Variants in ZC3H12B observed in about 807,000 individuals in gnomAD.
ZC3H12B encodes the protein probable ribonuclease ZC3H12B.
ZC3H12B carries 7 observed loss-of-function variants against 43.9 expected under a neutral mutation model. That is an observed-to-expected ratio of 0.16 (90% CI 0.09 to 0.30). The LOEUF (loss-of-function observed/expected upper bound fraction) is 0.30, where lower values mean the gene tolerates loss of function less well. Ranked by LOEUF, ZC3H12B falls within the 10% of genes least tolerant of loss-of-function variation. The pLI, the probability that ZC3H12B is intolerant of heterozygous loss-of-function variation, is 1.00. For synonymous variants in ZC3H12B, 222 were observed against 241.7 expected, an observed-to-expected ratio of 0.92 and a Z score of 0.76; for missense variants, 475 against 670.2, an observed-to-expected ratio of 0.71 and a Z score of 3.22.
the ZC3H12B span, among the ~76,000 whole-genome samples, chrX:65,298,150 G>A: frequency 9.0e-6 from 1 of 111,366 alleles, no homozygotes; most frequent in Non-Finnish European, 1.9e-5. Flanking sequence ...TAAATAGGTG[G>A]GACTTAATTA....
the ZC3H12B span, among the ~76,000 whole-genome samples, chrX:65,068,781 C>T: frequency 7.2e-5 from 8 of 111,387 alleles, no homozygotes; most frequent in Non-Finnish European, 1.5e-4. Context: ...TGAAGTGTGC[C>T]GTTTAACATT....
chrX:65,063,406 C>T, the ZC3H12B span, among the ~76,000 whole-genome samples: 1 of 112,090 alleles, frequency 8.9e-6, no homozygotes, highest in Non-Finnish European at 1.9e-5. Flanking sequence ...GTTTGTGCAT[C>T]TGTTGAGATA....
At chrX:65,434,279 A>G (rs1056281968) in intron 3 of ZC3H12B, among the ~76,000 whole-genome samples, 3 of 111,969 alleles carry the variant, frequency 2.7e-5, no homozygotes, top group Non-Finnish European at 5.6e-5. Flanking sequence ...TATTGGTAAA[A>G]TATATGTTTT....
At chrX:65,139,929 T>C in the ZC3H12B span, among the ~76,000 whole-genome samples, 1 of 111,556 alleles carries the variant, frequency 9.0e-6, no homozygotes, top group Admixed American at 9.6e-5. Context: ...CTTTTGAACA[T>C]TTATTTTGTA....
chrX:65,183,903 T>C, the ZC3H12B span, among the ~76,000 whole-genome samples: 10 of 111,281 alleles, frequency 9.0e-5, no homozygotes, highest in Non-Finnish European at 1.1e-4. Context: ...CTTTTTTATG[T>C]TGGCAAAGTA....
At chrX:65,144,786 G>A in the ZC3H12B span, among the ~76,000 whole-genome samples, 1 of 111,429 alleles carries the variant, frequency 9.0e-6, no homozygotes, top group East Asian at 2.8e-4. Context: ...TGGTTTTGGA[G>A]GTTCCTTTTG....
At chrX:65,068,356 C>T in the ZC3H12B span, among the ~76,000 whole-genome samples, 17 of 110,046 alleles carry the variant, frequency 1.5e-4, 1 homozygote, top group South Asian at 5.3e-3. Flanking sequence ...TACTTTGTTG[C>T]TTTTTATTTT....
chrX:65,158,370 C>G, the ZC3H12B span, among the ~76,000 whole-genome samples: 1 of 111,465 alleles, frequency 9.0e-6, no homozygotes, highest in Non-Finnish European at 1.9e-5. Context: ...AATGGTTGAA[C>G]TAGTTTACAG....
the ZC3H12B span, among the ~76,000 whole-genome samples, chrX:65,243,064 G>T: frequency 2.7e-5 from 3 of 111,709 alleles, no homozygotes; most frequent in African/African-American, 9.8e-5. Context: ...TGTCAGTCTG[G>T]GCAAAGATGT....
the ZC3H12B span, among the ~76,000 whole-genome samples, chrX:65,150,767 T>C: frequency 8.9e-6 from 1 of 111,861 alleles, no homozygotes; most frequent in Middle Eastern, 4.6e-3. Context: ...CTTATCTTCC[T>C]ACTTCCCCTT....
chrX:65,295,165 C>T, the ZC3H12B span, among the ~76,000 whole-genome samples: 7 of 110,603 alleles, frequency 6.3e-5, no homozygotes, highest in Non-Finnish European at 1.3e-4. Flanking sequence ...TGTCAGACTA[C>T]AGTGGAATAA....
the ZC3H12B span, among the ~76,000 whole-genome samples, chrX:65,227,560 C>CA: frequency 1.8e-5 from 2 of 111,069 alleles, no homozygotes; most frequent in African/African-American, 3.3e-5. Flanking sequence ...AATGGAGACA[C>CA]AAAAAACCCT....
At chrX:65,223,352 A>T in the ZC3H12B span, among the ~76,000 whole-genome samples, 7 of 112,061 alleles carry the variant, frequency 6.2e-5, no homozygotes, top group Non-Finnish European at 1.3e-4. Context: ...TAAATCTAAG[A>T]TCTGAAACTG....
chrX:65,102,084 G>A, the ZC3H12B span, among the ~76,000 whole-genome samples: 24 of 111,919 alleles, frequency 2.1e-4, no homozygotes, highest in African/African-American at 7.5e-4. Flanking sequence ...TTCAGCCTAT[G>A]CAAATCAATA....
chrX:65,240,175 G>A, the ZC3H12B span, among the ~76,000 whole-genome samples: 4 of 111,847 alleles, frequency 3.6e-5, no homozygotes, highest in African/African-American at 1.3e-4. Context: ...TGATTTCCAA[G>A]TTTGTTCCAT....
At chrX:65,324,555 C>G in the ZC3H12B span, among the ~76,000 whole-genome samples, 100 of 110,885 alleles carry the variant, frequency 9.0e-4, no homozygotes, top group African/African-American at 3.2e-3. Context: ...TTTTTATTGA[C>G]TCCTTGGTTG....
intron 3 of ZC3H12B, among the ~76,000 whole-genome samples, chrX:65,428,026 G>A (rs1168915471): frequency 9.0e-6 from 1 of 111,685 alleles, no homozygotes; most frequent in African/African-American, 3.3e-5. Context: ...ATGAAGCTTA[G>A]TCTGGCTGGA....
the ZC3H12B span, among the ~76,000 whole-genome samples, chrX:65,106,985 A>G: frequency 9.0e-6 from 1 of 111,425 alleles, no homozygotes; most frequent in Non-Finnish European, 1.9e-5. Context: ...TGAAGTACCT[A>G]TGAAAGATAT....
chrX:65,322,240 C>A, the ZC3H12B span, among the ~76,000 whole-genome samples: 1 of 111,396 alleles, frequency 9.0e-6, no homozygotes, highest in East Asian at 2.8e-4. Flanking sequence ...ACTAATACAG[C>A]AAGAACTCAC....
Sources: allele counts gnomAD v4.1 joint callset (sites outside exome capture counted in the v4.1 genomes callset), GRCh38; gene constraint gnomAD v4.1.1; transcripts MANE v1.5; gene names NCBI Gene and HGNC (gene_info 2026-07-23, HGNC 2026-07-21).